CRYBG3: variants seen among roughly 807,000 people sequenced by gnomAD.
CRYBG3 encodes the protein crystallin beta-gamma domain containing 3.
Under a neutral mutation model 244.2 loss-of-function variants are expected in CRYBG3, and 127 were observed. The observed-to-expected ratio is 0.52, with a 90% CI of 0.45 to 0.60. The LOEUF (loss-of-function observed/expected upper bound fraction) is 0.60. CRYBG3 is among the 20% of genes least tolerant of loss of function. The pLI, the probability that CRYBG3 is intolerant of heterozygous loss-of-function variation, is 0.00. For missense variants in CRYBG3, 3,325 were observed against 3,442.5 expected, an observed-to-expected ratio of 0.97 and a Z score of 0.85; for synonymous variants, 1,132 against 1,195.8, an observed-to-expected ratio of 0.95 and a Z score of 1.10.
At position 97,933,841 on chromosome 3, in the gene CRYBG3, T is replaced by TG; in HGVS notation, c.8381+11dup. ...GTGGGTAAAAAGTGGACTGTAAGTATGGGAAAAAGGCTTGGTCTGGTTCAG... is the reference window on the plus strand; with the variant it reads ...GTGGGTAAAAAGTGGACTGTAAGTATGGGGAAAAAGGCTTGGTCTGGTTCAG... On this transcript the variant is annotated intron_variant, in intron 18 of 21. Coordinates refer to ENST00000389622, the MANE Select transcript of CRYBG3 (RefSeq NM_153605.4). 4 of 1,609,980 alleles carry TG rather than the reference T, an allele frequency of 2.5e-6. No individual in the cohort carries two copies. The South Asian group carries it at 4.4e-5, about 18-fold the overall frequency.
chr3:97,843,737 C>G (rs1312296349), intron 2 of CRYBG3, among the ~76,000 whole-genome samples: 1 of 152,164 alleles, frequency 6.6e-6, no homozygotes, highest in African/African-American at 2.4e-5. Flanking sequence ...CTTGGCTTCT[C>G]TAAGAGGACA....
intron 2 of CRYBG3, among the ~76,000 whole-genome samples, chr3:97,853,589 G>A (rs1365974843): frequency 6.6e-6 from 1 of 152,096 alleles, no homozygotes; most frequent in Non-Finnish European, 1.5e-5. Context: ...TGGGATTGCT[G>A]GATAAAATGG....
At chr3:97,855,587 C>T (rs543718563) in intron 2 of CRYBG3, among the ~76,000 whole-genome samples, 4 of 152,062 alleles carry the variant, frequency 2.6e-5, no homozygotes, top group Non-Finnish European at 5.9e-5. Flanking sequence ...GTCCAGGTAT[C>T]GGGGAACCTG....
chr3:97,877,543 GA>G lies in CRYBG3; in HGVS notation c.6353del (p.Asn2118ThrfsTer17). Reference protein sequence around the residue: ...HHGPRKSRDSENQSSSVLSLL... With the variant: ...HHGPRKSRDSXNQSSSVLSLL... ...TGGCCCCAGGAAATCAAGAGACAGT[GA>G]AAACCAGTCCTCTTCTGTTTTATCC... On this transcript the variant is annotated frameshift_variant, in exon 4 of 22. Coordinates refer to ENST00000389622, the MANE Select transcript of CRYBG3 (RefSeq NM_153605.4). LOFTEE classifies it high-confidence loss of function. The G allele has an allele frequency of 6.2e-7, 1 of 1,614,136 alleles. No individual in the cohort carries two copies. The highest frequency in any genetic ancestry group is 8.5e-7 in the Non-Finnish European group (1 of 1,180,006).
intron 15 of CRYBG3, among the ~76,000 whole-genome samples, chr3:97,906,008 TC>T (rs2039770121): frequency 6.9e-6 from 1 of 144,758 alleles, no homozygotes; most frequent in East Asian, 2.0e-4. Context: ...GGGAATCCTT[TC>T]CCCATTGCTT....
At chr3:97,888,146 A>G (rs2039531088) in intron 8 of CRYBG3, among the ~76,000 whole-genome samples, 195 bp from the exon 9 acceptor site, 1 of 152,210 alleles carries the variant, frequency 6.6e-6, no homozygotes, top group South Asian at 2.1e-4. Context: ...TTATTATAGG[A>G]TGGATAATGT....
intron 17 of CRYBG3, among the ~76,000 whole-genome samples, chr3:97,925,457 T>C (rs971315775): frequency 6.6e-6 from 1 of 152,020 alleles, no homozygotes; most frequent in African/African-American, 2.4e-5. Context: ...GCAGCTATGA[T>C]GGATGAAACA....
chr3:97,830,796 G>C (rs2038644747), intron 1 of CRYBG3, among the ~76,000 whole-genome samples: 1 of 152,108 alleles, frequency 6.6e-6, no homozygotes, highest in African/African-American at 2.4e-5. Context: ...CTTGCACAGT[G>C]CCTTTTAAAT....
intron 2 of CRYBG3, among the ~76,000 whole-genome samples, chr3:97,861,583 C>T (rs907657810): frequency 5.3e-5 from 8 of 152,130 alleles, no homozygotes; most frequent in African/African-American, 1.4e-4. Flanking sequence ...TCCAAAGATA[C>T]ATATGCCTTC....
At chr3:97,932,356 G>A (rs996077680) in intron 17 of CRYBG3, among the ~76,000 whole-genome samples, 2 of 151,930 alleles carry the variant, frequency 1.3e-5, no homozygotes, top group African/African-American at 2.4e-5. Context: ...TGATTCTTCT[G>A]TGTATGAACC....
At position 97,822,068 on chromosome 3, in the gene CRYBG3, G is replaced by A. The variant is rs547246769; in HGVS notation, c.-139G>A. The A allele has an allele frequency of 1.9e-5, 12 of 646,446 alleles. No individual in the cohort carries two copies. Among genetic ancestry groups the A allele is most frequent in the African/African-American group, 1.7e-4 (9 of 53,538 alleles). 40.0% of individuals were successfully genotyped at this position (646,446 alleles called of 1,614,324 possible). Reference sequence around the variant, plus strand: ...GCGTCCGCACTTCTCCTGCCCGAGAGAGACTGAGCCGCGCTGGCAGCTCGC... The same window carrying A: ...GCGTCCGCACTTCTCCTGCCCGAGAAAGACTGAGCCGCGCTGGCAGCTCGC... On this transcript the variant is annotated 5_prime_UTR_variant, in exon 1 of 22. Transcript: ENST00000389622.
intron 1 of CRYBG3, among the ~76,000 whole-genome samples, chr3:97,841,535 T>C (rs1371269576): frequency 6.6e-6 from 1 of 152,120 alleles, no homozygotes; most frequent in Non-Finnish European, 1.5e-5. Flanking sequence ...TCTTGGATAC[T>C]GTGCGTAATA....
At chr3:97,884,041 G>C (rs549967056) in intron 7 of CRYBG3, among the ~76,000 whole-genome samples, 2 of 152,252 alleles carry the variant, frequency 1.3e-5, no homozygotes, top group South Asian at 2.1e-4. Flanking sequence ...AAATTTGTTT[G>C]TGTGAGACAG....
At chr3:97,842,941 T>G (rs2038843784) in intron 1 of CRYBG3, among the ~76,000 whole-genome samples, 1 of 152,226 alleles carries the variant, frequency 6.6e-6, no homozygotes, top group Admixed American at 6.5e-5. Context: ...ATATCATTAC[T>G]GTGATGTTGA....
chr3:97,862,100 T>TTA (rs1553703421), intron 2 of CRYBG3, among the ~76,000 whole-genome samples: 210 of 151,624 alleles, frequency 1.4e-3, no homozygotes, highest in African/African-American at 4.6e-3. Context: ...GTTTTTTTTT[T>TTA]AAAAAATTAT....
In CRYBG3 at chr3:97,843,247, T is replaced by C; in HGVS notation, c.202T>C (p.Ser68Pro). 1 of 1,488,406 alleles carries C rather than the reference T, an allele frequency of 6.7e-7. No individual in the cohort carries two copies. Among genetic ancestry groups the C allele is most frequent in the Non-Finnish European group, 9.0e-7 (1 of 1,107,364 alleles). 92.2% of individuals were successfully genotyped at this position (1,488,406 alleles called of 1,614,324 possible). A position where few individuals can be genotyped will look rare whatever the true frequency, so the allele number is the denominator to read the frequency against. ...TCAGAAAAAGGAAAATGTACTTTCA[T>C]CAGAAGCAGTAAAGGTATAGTTTTA... ...TSQKKENVLSSEAVKIRQSED... is the reference protein window; with the variant it reads ...TSQKKENVLSPEAVKIRQSED... The change falls in exon 2 of 22, where the codon TCA (serine) becomes CCA (proline). Residue 68 changes from serine (S) to proline (P), a missense_variant. Around this residue, in one of 4 missense-constraint regions of CRYBG3, gnomAD observed 1,526 missense variants for 1,443.2 expected, o/e 1.06. Transcript: ENST00000389622.
chr3:97,886,666 A>G lies in CRYBG3; in HGVS notation c.7188A>G (p.Gln2396=), dbSNP rs370599431. 9.3e-6 allele frequency: 15 copies of G among 1,608,722 alleles called. No homozygotes were observed. The highest frequency in any genetic ancestry group is 1.7e-4 in the Middle Eastern group (1 of 6,002). ...TTCCAGAAATAGAGCTTTTCCCACA[A>G]TCTGACCCAGCCTGTTGTCCTGTCT... ...CSIPEIELFP[Q]SDPACCPVYI... The change falls in exon 8 of 22, where the codon CAA becomes CAG. Residue 2396 remains glutamine, a synonymous_variant. Coordinates refer to ENST00000389622, the MANE Select transcript of CRYBG3 (RefSeq NM_153605.4).
At chr3:97,827,129 C>A (rs16838958) in intron 1 of CRYBG3, among the ~76,000 whole-genome samples, 1 of 152,128 alleles carries the variant, frequency 6.6e-6, no homozygotes, top group Non-Finnish European at 1.5e-5. Flanking sequence ...TGGATAGAGG[C>A]AGAAAAGGGC....
chr3:97,872,250 T>C lies in CRYBG3; in HGVS notation c.1056T>C (p.Thr352=). The C allele has an allele frequency of 6.5e-7, 1 of 1,535,834 alleles. No individual in the cohort carries two copies. The highest frequency in any genetic ancestry group is 8.7e-7 in the Non-Finnish European group (1 of 1,146,692). ...ERNRSSPSSV[T]NSSYDGESDS... ...ATAGGTCATCCCCTTCTTCTGTGAC[T>C]AACTCCAGCTACGATGGAGAATCTG... The change falls in exon 4 of 22, where the codon ACT becomes ACC. Residue 352 remains threonine, a synonymous_variant. Transcript: ENST00000389622.
Sources: allele counts gnomAD v4.1 joint callset (sites outside exome capture counted in the v4.1 genomes callset), GRCh38; gene constraint gnomAD v4.1.1; regional missense constraint gnomAD v4.1.1; transcripts MANE v1.5; gene names NCBI Gene and HGNC (gene_info 2026-07-23, HGNC 2026-07-21).